SLC35F4: variants seen among roughly 807,000 people sequenced by gnomAD.
SLC35F4 encodes the protein chromosome 14 open reading frame 36.
SLC35F4 carries 24 observed loss-of-function variants against 44.2 expected under a neutral mutation model. The observed-to-expected ratio is 0.54, with a 90% confidence interval of 0.39 to 0.76. The LOEUF is 0.76. Among genes scored for constraint, SLC35F4 ranks in the 30% least tolerant of loss-of-function variants. The pLI is 0.00. For synonymous variants in SLC35F4, 238 were observed against 223.6 expected, an observed-to-expected ratio of 1.06 and a Z score of -0.57; for missense variants, 562 against 586.1, an observed-to-expected ratio of 0.96 and a Z score of 0.42.
At chr14:57,784,056 C>G (rs1267208550) in intron 1 of SLC35F4, among the ~76,000 whole-genome samples, 1 of 151,938 alleles carries the variant, frequency 6.6e-6, no homozygotes, top group Non-Finnish European at 1.5e-5. Context: ...CAGAGCTAAT[C>G]AAGGAAATAA....
chr14:57,772,474 A>G (rs899986414), intron 1 of SLC35F4, among the ~76,000 whole-genome samples: 2 of 152,214 alleles, frequency 1.3e-5, no homozygotes, highest in African/African-American at 4.8e-5. Context: ...TTTACTACCC[A>G]AATAGTGAAC....
intron 1 of SLC35F4, among the ~76,000 whole-genome samples, chr14:57,863,121 C>A (rs1887821724): frequency 6.6e-6 from 1 of 152,228 alleles, no homozygotes; most frequent in South Asian, 2.1e-4. Context: ...CCTGCCTTGG[C>A]CTCCCAAAGT....
intron 1 of SLC35F4, among the ~76,000 whole-genome samples, chr14:57,652,503 C>T (rs768517770): frequency 6.6e-6 from 1 of 152,086 alleles, no homozygotes; most frequent in Non-Finnish European, 1.5e-5. Flanking sequence ...GTCTTCTGAA[C>T]AAGGAGACAC....
chr14:57,921,017 T>C (rs1015868636), intron 1 of SLC35F4, among the ~76,000 whole-genome samples: 18 of 152,254 alleles, frequency 1.2e-4, no homozygotes, highest in African/African-American at 4.3e-4. Flanking sequence ...TTCATGTTAA[T>C]GTGTTCTCCT....
At chr14:57,685,900 G>T (rs529073091) in intron 1 of SLC35F4, among the ~76,000 whole-genome samples, 3 of 152,130 alleles carry the variant, frequency 2.0e-5, no homozygotes, top group African/African-American at 7.2e-5. Flanking sequence ...TGGTCTTTGG[G>T]CTTGGAAACC....
At chr14:57,640,355 T>C (rs2073172818) in intron 1 of SLC35F4, among the ~76,000 whole-genome samples, 1 of 152,040 alleles carries the variant, frequency 6.6e-6, no homozygotes, top group Non-Finnish European at 1.5e-5. Context: ...GATAAAGAAT[T>C]CCTTTAGACT....
At chr14:57,916,127 GTCGT>G (rs1365572128) in intron 1 of SLC35F4, among the ~76,000 whole-genome samples, 1 of 152,188 alleles carries the variant, frequency 6.6e-6, no homozygotes, top group Non-Finnish European at 1.5e-5. Context: ...GCGGGCAAGG[GTCGT>G]CCCATGGTGA....
At chr14:57,634,808 G>A (rs1266961601) in intron 1 of SLC35F4, among the ~76,000 whole-genome samples, 3 of 152,126 alleles carry the variant, frequency 2.0e-5, no homozygotes, top group Admixed American at 1.3e-4. Flanking sequence ...TCAGGTGAAA[G>A]GTGATAGTGA....
At chr14:57,902,446 C>G (rs1336617410) in intron 1 of SLC35F4, among the ~76,000 whole-genome samples, 1 of 151,664 alleles carries the variant, frequency 6.6e-6, no homozygotes, top group Non-Finnish European at 1.5e-5. Flanking sequence ...GCCTGTAATC[C>G]CAGCTACTCG....
chr14:57,772,007 T>C (rs1443313966), intron 1 of SLC35F4, among the ~76,000 whole-genome samples: 6 of 152,238 alleles, frequency 3.9e-5, no homozygotes, highest in Non-Finnish European at 8.8e-5. Context: ...TCTTTGACAT[T>C]ATAATCCCCT....
At chr14:57,925,517 GGGA>G (rs1889546139) in intron 1 of SLC35F4, among the ~76,000 whole-genome samples, 1 of 105,434 alleles carries the variant, frequency 9.5e-6, no homozygotes, top group Non-Finnish European at 2.0e-5. Flanking sequence ...GAGGGAGGGA[GGGA>G]GGGAGGGAGG....
intron 7 of SLC35F4, among the ~76,000 whole-genome samples, chr14:57,565,864 C>T (rs2068181493): frequency 6.6e-6 from 1 of 152,226 alleles, no homozygotes; most frequent in South Asian, 2.1e-4. Context: ...AGTGGCTACT[C>T]AAGACTTGAA....
intron 1 of SLC35F4, among the ~76,000 whole-genome samples, chr14:57,666,667 G>A (rs187298920): frequency 6.7e-6 from 1 of 150,374 alleles, no homozygotes; most frequent in Admixed American, 6.6e-5. Context: ...ATAGAAAACT[G>A]ATACATAATA....
At chr14:57,617,130 CTTTT>C (rs3054446) in intron 1 of SLC35F4, among the ~76,000 whole-genome samples, 2 of 99,246 alleles carry the variant, frequency 2.0e-5, no homozygotes, top group Admixed American at 1.4e-4. Flanking sequence ...TGTACTTATT[CTTTT>C]TTTTTTTTTT....
intron 1 of SLC35F4, among the ~76,000 whole-genome samples, chr14:57,818,235 C>A (rs1023245039): frequency 6.6e-6 from 1 of 152,132 alleles, no homozygotes; most frequent in Non-Finnish European, 1.5e-5. Flanking sequence ...GGTCTGGAAC[C>A]AACAGTGAAG....
chr14:57,717,228 C>T (rs978895677), intron 1 of SLC35F4, among the ~76,000 whole-genome samples: 13 of 152,100 alleles, frequency 8.5e-5, no homozygotes, highest in African/African-American at 2.9e-4. Flanking sequence ...TAGTATTTGT[C>T]ATATGATATG....
chr14:57,861,388 C>A (rs543031892), intron 1 of SLC35F4, among the ~76,000 whole-genome samples: 3 of 152,146 alleles, frequency 2.0e-5, no homozygotes, highest in African/African-American at 7.2e-5. Flanking sequence ...ACTATCTCTC[C>A]AACTTCATTA....
At chr14:57,793,431 A>G (rs367657921) in intron 1 of SLC35F4, among the ~76,000 whole-genome samples, 4 of 152,012 alleles carry the variant, frequency 2.6e-5, no homozygotes, top group Admixed American at 6.6e-5. Flanking sequence ...ATGTCCATCA[A>G]ACTGTCCTGT....
chr14:57,869,612 G>A (rs1160042460), upstream of SLC35F4, among the ~76,000 whole-genome samples: 1 of 152,210 alleles, frequency 6.6e-6, no homozygotes, highest in Admixed American at 6.5e-5. Context: ...TGGGCTAAAA[G>A]TAACTTGGCT....
Sources: allele counts gnomAD v4.1 joint callset (sites outside exome capture counted in the v4.1 genomes callset), GRCh38; gene constraint gnomAD v4.1.1; transcripts MANE v1.5; gene names NCBI Gene and HGNC (gene_info 2026-07-23, HGNC 2026-07-21).